Variants in CDH23 observed in about 807,000 individuals in gnomAD.
The protein encoded by CDH23 is cadherin-23.
In CDH23, 189 loss-of-function variants were observed where a neutral mutation model predicts 317.1. The observed-to-expected ratio is 0.60, with a 90% CI of 0.53 to 0.67. The LOEUF is 0.67. Ranked by LOEUF, CDH23 falls within the 30% of genes least tolerant of loss-of-function variation. CDH23 has a pLI of 0.00. For synonymous variants in CDH23, 1,839 were observed against 1,876.8 expected (o/e 0.98, Z 0.52); for missense variants, 4,401 against 4,592.4 (o/e 0.96, Z 1.20).
At chr10:71,712,519 A>G (rs1251632611) in intron 27 of CDH23, 146 bp from the exon 28 acceptor site, 7 of 754,478 alleles carry the variant, frequency 9.3e-6, no homozygotes, top group Non-Finnish European at 1.5e-5. Flanking sequence ...CCTAAGCTAA[A>G]AAGGAAGTCA....
At chr10:71,732,694 T>A in intron 32 of CDH23, 1 of 1,309,588 alleles carries the variant, frequency 7.6e-7, no homozygotes, top group East Asian at 3.1e-5. Context: ...CATTTTCATA[T>A]GTAGGAGTAA....
intron 6 of CDH23, 136 bp from the exon 7 acceptor site, chr10:71,566,606 T>C (rs1335464958): frequency 3.6e-5 from 26 of 713,632 alleles, no homozygotes; most frequent in Non-Finnish European, 4.9e-5. Context: ...TTGGGGCCCC[T>C]CCTAGAATGA....
intron 9 of CDH23, among the ~76,000 whole-genome samples, chr10:71,598,456 T>G (rs1860003026): frequency 6.6e-6 from 1 of 152,222 alleles, no homozygotes; most frequent in Non-Finnish European, 1.5e-5. Context: ...CAGGAGGGCC[T>G]ATGCCCAGAG....
intron 1 of CDH23, among the ~76,000 whole-genome samples, chr10:71,437,548 C>A (rs1181003746): frequency 6.6e-6 from 1 of 152,188 alleles, no homozygotes. Context: ...CTCCATTATT[C>A]TCAAAGTAAA....
intron 57 of CDH23, among the ~76,000 whole-genome samples, 182 bp from the exon 58 acceptor site, chr10:71,807,095 G>C (rs1268399232): frequency 6.6e-6 from 1 of 152,242 alleles, no homozygotes; most frequent in Non-Finnish European, 1.5e-5. Context: ...CGTGAGGGCA[G>C]AGCTCAGGTC....
chr10:71,440,681 G>A (rs188399981), intron 2 of CDH23, among the ~76,000 whole-genome samples: 73 of 152,300 alleles, frequency 4.8e-4, no homozygotes, highest in Admixed American at 8.5e-4. Context: ...GGAGAGGCCT[G>A]GGCATTTGCT....
intron 11 of CDH23, among the ~76,000 whole-genome samples, chr10:71,620,039 C>T (rs746259941): frequency 1.3e-5 from 2 of 152,182 alleles, no homozygotes; most frequent in East Asian, 1.9e-4. Flanking sequence ...CTCACGTGGA[C>T]GACTAGGCTA....
In CDH23 at chr10:71,759,818, TATACACAC is replaced by T. The variant is rs1168691088; in HGVS notation, c.4846-17860_4846-17853del. Among the ~76,000 whole-genome samples the T allele has an allele frequency of 2.6e-3, 131 of 50,830 alleles. 8 individuals carry two copies. Among genetic ancestry groups the T allele is most frequent in the Middle Eastern group, 0.018 (2 of 112 alleles). The allele number at this position is 50,830 out of a possible 152,430, so 33.3% of individuals were successfully genotyped here. ...CAGAGTGAAACCGTGTTTCAGAAAA[TATACACAC>T]ACACACACACACACACACACATATA... is the stretch of plus-strand genomic sequence containing the variant. On this transcript the variant is annotated intron_variant, in intron 38 of 69. Coordinates refer to ENST00000224721, the MANE Select transcript of CDH23 (RefSeq NM_022124.6).
intron 6 of CDH23, among the ~76,000 whole-genome samples, chr10:71,558,572 T>TC (rs1856980035): frequency 6.6e-6 from 1 of 152,220 alleles, no homozygotes; most frequent in African/African-American, 2.4e-5. Context: ...TACTGTTTTT[T>TC]CCCACTCTGT....
At chr10:71,399,694 G>A (rs946388862) in intron 1 of CDH23, among the ~76,000 whole-genome samples, 10 of 152,128 alleles carry the variant, frequency 6.6e-5, no homozygotes, top group Non-Finnish European at 1.5e-5. Flanking sequence ...GAGCCCAGGA[G>A]TTCAAGGCTG....
At chr10:71,576,792 T>C (rs1858236113) in intron 8 of CDH23, among the ~76,000 whole-genome samples, 1 of 152,154 alleles carries the variant, frequency 6.6e-6, no homozygotes, top group Non-Finnish European at 1.5e-5. Flanking sequence ...CAGCGAGTGG[T>C]GGCGGTGACC....
intron 6 of CDH23, among the ~76,000 whole-genome samples, chr10:71,561,204 T>C (rs945701848): frequency 6.6e-6 from 1 of 152,120 alleles, no homozygotes; most frequent in Non-Finnish European, 1.5e-5. Context: ...GCAAATTATC[T>C]TTCCACTTTA....
rs1356558692 is a variant in CDH23, at chr10:71,803,414, C to T, written c.7866C>T (p.Ile2622=). The T allele has an allele frequency of 2.5e-6, 4 of 1,590,756 alleles. No individual in the cohort carries two copies. Among genetic ancestry groups the T allele is most frequent in the South Asian group, 1.1e-5 (1 of 87,000 alleles). Residue 2622 remains isoleucine (I), a synonymous_variant, in exon 55 of 70, where the codon ATC becomes ATT. Transcript: ENST00000224721. ...VRPPNGTILH[I]REEIPLRSNV... is the part of the protein sequence containing the mutation. Reference sequence around the variant, plus strand: ...CACCCAACGGCACCATCCTCCACATCAGAGAGGTACTCCTGCCCCGAGGGC... The same window carrying T: ...CACCCAACGGCACCATCCTCCACATTAGAGAGGTACTCCTGCCCCGAGGGC...
chr10:71,533,690 T>C (rs1230755094), intron 6 of CDH23, among the ~76,000 whole-genome samples: 1 of 152,076 alleles, frequency 6.6e-6, no homozygotes, highest in East Asian at 1.9e-4. Flanking sequence ...GATTTTCTCC[T>C]CTTTGGCACT....
At chr10:71,567,798 T>A (rs1477701671) in intron 7 of CDH23, among the ~76,000 whole-genome samples, 1 of 151,978 alleles carries the variant, frequency 6.6e-6, no homozygotes, top group East Asian at 1.9e-4. Context: ...GCTGGAGCCA[T>A]CAGCTGGCAG....
At chr10:71,592,020 C>T (rs560667951) in intron 9 of CDH23, among the ~76,000 whole-genome samples, 10 of 152,196 alleles carry the variant, frequency 6.6e-5, no homozygotes, top group Admixed American at 4.6e-4. Context: ...AGTGGACAGA[C>T]GGATCAGACT....
intron 9 of CDH23, among the ~76,000 whole-genome samples, chr10:71,591,370 C>T (rs1030691439): frequency 6.6e-6 from 1 of 152,142 alleles, no homozygotes. Context: ...TCAGTTCTAC[C>T]CAGGAAAGGG....
chr10:71,606,161 T>G (rs1860515279), intron 9 of CDH23, among the ~76,000 whole-genome samples: 1 of 152,252 alleles, frequency 6.6e-6, no homozygotes, highest in Non-Finnish European at 1.5e-5. Flanking sequence ...AGGGTCCAGT[T>G]TGTAGCCTTA....
Position 71,793,230 on chromosome 10 carries a change from A to G in CDH23, c.6302A>G (p.Asn2101Ser), listed in dbSNP as rs1164161390. 2 of 1,613,814 alleles carry G rather than the reference A, an allele frequency of 1.2e-6. No individual in the cohort carries two copies. Among genetic ancestry groups the G allele is most frequent in the Non-Finnish European group, 1.7e-6 (2 of 1,179,856 alleles). Reference sequence around the variant, plus strand: ...GCCACAGATGAGGACAGTGGCCTCAATGGGGAGCTGGTCTACCGAATAGAA... The same window carrying G: ...GCCACAGATGAGGACAGTGGCCTCAGTGGGGAGCTGGTCTACCGAATAGAA... ...VTATDEDSGL[N>S]GELVYRIEAG... The change falls in exon 48 of 70, where the codon AAT (asparagine) becomes AGT (serine). Residue 2101 changes from asparagine (N) to serine (S), a missense_variant. By Grantham distance (46) the Asn-to-Ser change is conservative (BLOSUM62 1). Around this residue, in one of 3 missense-constraint regions of CDH23, gnomAD observed 3,068 missense variants for 3,203.3 expected, o/e 0.96. Transcript: ENST00000224721.
Sources: gnomAD v4.1 joint callset for allele counts (sites outside exome capture counted in the v4.1 genomes callset) on GRCh38, gnomAD v4.1.1 for gene constraint, gnomAD v4.1.1 regional missense constraint, MANE v1.5 for transcripts, NCBI Gene and HGNC (gene_info 2026-07-23, HGNC 2026-07-21) for gene names.